The following STXBP6 variants were observed in gnomAD, a reference collection of about 807,000 sequenced individuals.
STXBP6 encodes syntaxin-binding protein 6.
A neutral mutation model predicts 26.9 loss-of-function variants in STXBP6; 21 were observed. That is an observed-to-expected ratio of 0.78 (90% confidence interval 0.55 to 1.12). The LOEUF is 1.12. Ranked by LOEUF, STXBP6 falls within the 50% of genes most tolerant of loss-of-function variation. The pLI, the probability that STXBP6 is intolerant of heterozygous loss-of-function variation, is 0.00. For missense variants in STXBP6, 232 were observed against 257.9 expected, an observed-to-expected ratio of 0.90 and a Z score of 0.69; for synonymous variants, 97 against 92.6, an observed-to-expected ratio of 1.05 and a Z score of -0.27.
At chr14:24,832,627 C>G (rs1190224509) in intron 4 of STXBP6, among the ~76,000 whole-genome samples, 3 of 152,154 alleles carry the variant, frequency 2.0e-5, no homozygotes, top group Admixed American at 1.3e-4. Context: ...GAAGGATGCT[C>G]TAAAAATTCC....
chr14:24,960,182 G>A (rs2073483371), intron 2 of STXBP6, among the ~76,000 whole-genome samples: 1 of 152,212 alleles, frequency 6.6e-6, no homozygotes, highest in Admixed American at 6.5e-5. Context: ...CAGATTGAGA[G>A]CAAGGAGTGG....
chr14:24,998,398 G>C (rs1438771791), intron 1 of STXBP6, among the ~76,000 whole-genome samples: 1 of 152,136 alleles, frequency 6.6e-6, no homozygotes, highest in Admixed American at 6.6e-5. Flanking sequence ...CTGAACTTCG[G>C]TGTTTTTGTT....
chr14:24,821,369 A>G (rs189884744), intron 4 of STXBP6, among the ~76,000 whole-genome samples: 1 of 152,364 alleles, frequency 6.6e-6, no homozygotes, highest in East Asian at 1.9e-4. Context: ...CCTACTACAC[A>G]TAAGCCTTGC....
intron 1 of STXBP6, among the ~76,000 whole-genome samples, chr14:24,975,411 T>C (rs1255704192): frequency 6.6e-6 from 1 of 152,228 alleles, no homozygotes; most frequent in African/African-American, 2.4e-5. Context: ...TTGATCACGC[T>C]AAGTAATGAA....
chr14:24,859,061 C>G (rs1201513176), intron 2 of STXBP6, among the ~76,000 whole-genome samples: 2 of 152,162 alleles, frequency 1.3e-5, no homozygotes, highest in African/African-American at 4.8e-5. Flanking sequence ...CAACACAACT[C>G]GAGATCACTG....
intron 2 of STXBP6, among the ~76,000 whole-genome samples, chr14:24,912,345 G>C (rs1369881803): frequency 1.3e-5 from 2 of 150,642 alleles, no homozygotes; most frequent in Non-Finnish European, 2.9e-5. Flanking sequence ...AATATAAAAG[G>C]TATCTTGAAT....
chr14:24,870,620 G>T (rs567391372), intron 2 of STXBP6, among the ~76,000 whole-genome samples: 1 of 152,084 alleles, frequency 6.6e-6, no homozygotes, highest in Non-Finnish European at 1.5e-5. Flanking sequence ...CTTAAAAAGC[G>T]TGACAAGAAA....
At chr14:24,858,262 C>T (rs2069410179) in intron 2 of STXBP6, among the ~76,000 whole-genome samples, 1 of 152,040 alleles carries the variant, frequency 6.6e-6, no homozygotes. Context: ...ACAGTTCACG[C>T]ATTCCATAGC....
chr14:25,049,730 C>G lies in STXBP6; in HGVS notation c.-33+148G>C, dbSNP rs2075777091. 2 of 985,650 alleles carry G rather than the reference C, an allele frequency of 2.0e-6. No individual in the cohort carries two copies. Among genetic ancestry groups the G allele is most frequent in the Non-Finnish European group, 1.2e-6 (1 of 830,146 alleles). The allele number at this position is 985,650 out of a possible 1,614,324, so 61.1% of individuals were successfully genotyped here. A position where few individuals can be genotyped will look rare whatever the true frequency, so the allele number is the denominator to read the frequency against. On this transcript the variant is annotated intron_variant, in intron 1 of 5. Coordinates refer to ENST00000323944, the MANE Select transcript of STXBP6 (RefSeq NM_001394410.1). The surrounding 1 kb of genome is among the most constrained non-coding windows in gnomAD (Gnocchi z 5.6). ...CCGCCACCCGCCAACTTGGAAGAAT[C>G]TCTCTGGGAGCCTGCCTACTCCCCT...
chr14:24,954,319 C>A (rs2073267959), intron 2 of STXBP6, among the ~76,000 whole-genome samples: 1 of 151,938 alleles, frequency 6.6e-6, no homozygotes, highest in African/African-American at 2.4e-5. Flanking sequence ...GGGAGGGGAG[C>A]AGACTGAAGG....
chr14:24,959,317 T>C lies in STXBP6; in HGVS notation c.154+15348A>G, dbSNP rs577668058. ...GTGAAGGAACAGTGGCCAAGCATGG[T>C]GGTTTGCAAAGACAAGCCCTGGGAA... is the stretch of plus-strand genomic sequence containing the variant. On this transcript the variant is annotated intron_variant, in intron 2 of 5. Coordinates refer to ENST00000323944, the MANE Select transcript of STXBP6 (RefSeq NM_001394410.1). Among the ~76,000 whole-genome samples the C allele has an allele frequency of 3.3e-5, 5 of 152,252 alleles. No homozygotes were observed. In the East Asian group the frequency reaches 5.8e-4, roughly 18 times the overall value.
In STXBP6 at chr14:24,810,863, C is replaced by CTGTGTGTGTGTGTGTGTGTG. The variant is rs1344421641; in HGVS notation, c.*1845_*1846insCACACACACACACACACACA. ...ATCCAATTTGGAAAGATAAATACAT[C>CTGTGTGTGTGTGTGTGTGTG]TCTGTGTGTGTGTGTGTGTGTGTGT... On this transcript the variant is annotated 3_prime_UTR_variant, in exon 6 of 6. Transcript: ENST00000323944. 1 of 24,724 alleles carries CTGTGTGTGTGTGTGTGTGTG rather than the reference C, an allele frequency of 4.0e-5. No individual in the cohort carries two copies. Among genetic ancestry groups the CTGTGTGTGTGTGTGTGTGTG allele is most frequent in the Admixed American group, 5.6e-4 (1 of 1,794 alleles). 1.5% of individuals were successfully genotyped at this position (24,724 alleles called of 1,614,324 possible).
chr14:24,962,417 C>T (rs779876893), intron 2 of STXBP6, among the ~76,000 whole-genome samples: 19 of 151,790 alleles, frequency 1.3e-4, no homozygotes, highest in Non-Finnish European at 2.1e-4. Context: ...GCAACGTCTG[C>T]CTCCCAGGTT....
At chr14:24,827,105 G>A (rs997635237) in intron 4 of STXBP6, among the ~76,000 whole-genome samples, 1 of 152,198 alleles carries the variant, frequency 6.6e-6, no homozygotes, top group Non-Finnish European at 1.5e-5. Flanking sequence ...GGAGGCTGAG[G>A]TGGGAAGATG....
chr14:24,945,080 C>G (rs1020303422), intron 2 of STXBP6, among the ~76,000 whole-genome samples: 1 of 141,328 alleles, frequency 7.1e-6, no homozygotes, highest in Non-Finnish European at 1.5e-5. Context: ...CAAGGGCTCA[C>G]AATTTATTGG....
intron 2 of STXBP6, among the ~76,000 whole-genome samples, chr14:24,886,209 A>G (rs931300216): frequency 6.6e-6 from 1 of 152,166 alleles, no homozygotes; most frequent in Non-Finnish European, 1.5e-5. Context: ...CTGATATTTT[A>G]TTCTGATATA....
At chr14:24,871,678 G>A (rs1312170339) in intron 2 of STXBP6, among the ~76,000 whole-genome samples, 1 of 152,188 alleles carries the variant, frequency 6.6e-6, no homozygotes, top group African/African-American at 2.4e-5. Context: ...CTGCTTTCAA[G>A]CCATGGCCCA....
intron 2 of STXBP6, among the ~76,000 whole-genome samples, chr14:24,969,476 C>G (rs1239978123): frequency 6.6e-6 from 1 of 152,140 alleles, no homozygotes; most frequent in Non-Finnish European, 1.5e-5. Context: ...GCTTTATAGA[C>G]CCATATTACC....
chr14:24,859,920 G>T (rs1423399493), intron 2 of STXBP6, among the ~76,000 whole-genome samples: 1 of 152,182 alleles, frequency 6.6e-6, no homozygotes, highest in East Asian at 1.9e-4. Context: ...AAGCATGGGG[G>T]CAACCCAATT....
Sources: allele counts gnomAD v4.1 joint callset (sites outside exome capture counted in the v4.1 genomes callset), GRCh38; gene constraint gnomAD v4.1.1; non-coding constraint Gnocchi (gnomAD v3.1); transcripts MANE v1.5; gene names NCBI Gene and HGNC (gene_info 2026-07-23, HGNC 2026-07-21).